Variants in KCTD16 observed in about 807,000 individuals in gnomAD.
The protein encoded by KCTD16 is BTB/POZ domain-containing protein KCTD16.
Under a neutral mutation model 33.2 loss-of-function variants are expected in KCTD16, and 13 were observed. That is an observed-to-expected ratio of 0.39 (90% CI 0.25 to 0.62). The LOEUF (loss-of-function observed/expected upper bound fraction) is 0.62. KCTD16 is among the 20% of genes least tolerant of loss of function. The pLI is 0.50. For missense variants in KCTD16, 441 were observed against 525.1 expected (o/e 0.84, Z 1.57); for synonymous variants, 197 against 195.3 (o/e 1.01, Z -0.07).
rs952732108 is a variant in KCTD16, at chr5:144,221,270, G to T, written c.832+13724G>T. The stretch of plus-strand genomic sequence containing the variant: ...GAAGAGAGACATTAAATCTGCTTTA[G>T]TATTATTATTATTATACTTTAAGTT... On this transcript the variant is annotated intron_variant, in intron 3 of 3. Coordinates refer to ENST00000512467, the MANE Select transcript of KCTD16 (RefSeq NM_020768.4). 7.2e-5 allele frequency among the ~76,000 whole-genome samples: 11 copies of T among 151,956 alleles called. No homozygotes were observed. The South Asian group carries it at 2.3e-3, about 32-fold the overall frequency.
At chr5:144,465,217 TTC>T (rs1242155215) in intron 3 of KCTD16, among the ~76,000 whole-genome samples, 8 of 132,556 alleles carry the variant, frequency 6.0e-5, no homozygotes, top group African/African-American at 2.3e-4. Flanking sequence ...CTCTCTCTCT[TTC>T]TCTCTCTCGC....
At chr5:144,335,656 G>A (rs934286655) in intron 3 of KCTD16, among the ~76,000 whole-genome samples, 4 of 152,188 alleles carry the variant, frequency 2.6e-5, no homozygotes, top group African/African-American at 9.7e-5. Context: ...GGCTCCACAG[G>A]AGGTGACAAT....
At chr5:144,307,131 C>T (rs1751622079) in intron 3 of KCTD16, among the ~76,000 whole-genome samples, 1 of 152,168 alleles carries the variant, frequency 6.6e-6, no homozygotes, top group South Asian at 2.1e-4. Flanking sequence ...TTCAATCATT[C>T]CTACCCATGC....
intron 3 of KCTD16, among the ~76,000 whole-genome samples, chr5:144,361,182 A>G (rs1751704315): frequency 2.7e-5 from 4 of 150,890 alleles, no homozygotes; most frequent in African/African-American, 9.7e-5. Flanking sequence ...GCGATAGTTT[A>G]CTGAGAATGA....
rs1455996279 is a variant in KCTD16, at chr5:144,195,900, G to T, written c.-326-10489G>T. ...TTTTGGTTGCTCTGTTGCTCTCATA[G>T]AACTTTTTCCTCTTCTCTTAACAGC... On this transcript the variant is annotated intron_variant, in intron 2 of 3. Transcript: ENST00000512467. Among the ~76,000 whole-genome samples, 3 of 152,142 alleles carry T rather than the reference G, an allele frequency of 2.0e-5. No individual in the cohort carries two copies. The East Asian group carries it at 5.8e-4, about 29-fold the overall frequency.
intron 3 of KCTD16, among the ~76,000 whole-genome samples, chr5:144,298,638 A>G (rs770117656): frequency 1.1e-4 from 17 of 152,152 alleles, no homozygotes; most frequent in South Asian, 2.1e-4. Flanking sequence ...CTGTGTTAGC[A>G]TGTTTAAGGC....
chr5:144,319,551 C>T (rs771958215), intron 3 of KCTD16, among the ~76,000 whole-genome samples: 2 of 152,200 alleles, frequency 1.3e-5, no homozygotes, highest in Non-Finnish European at 2.9e-5. Flanking sequence ...CCTGGTTAAA[C>T]AACATGCATT....
intron 3 of KCTD16, among the ~76,000 whole-genome samples, chr5:144,239,359 A>G (rs1020510173): frequency 3.9e-5 from 6 of 152,126 alleles, no homozygotes; most frequent in African/African-American, 9.7e-5. Context: ...AAATGTGTCT[A>G]TTGAAATCCC....
intron 3 of KCTD16, among the ~76,000 whole-genome samples, chr5:144,366,362 A>C (rs1212946291): frequency 6.6e-6 from 1 of 152,196 alleles, no homozygotes; most frequent in Non-Finnish European, 1.5e-5. Context: ...CCAACCACTG[A>C]TGTTTGCACC....
chr5:144,216,717 G>A (rs1306318331), intron 3 of KCTD16, among the ~76,000 whole-genome samples: 1 of 151,810 alleles, frequency 6.6e-6, no homozygotes, highest in Non-Finnish European at 1.5e-5. Flanking sequence ...GGTGACGGGC[G>A]CCTGTAGTCC....
chr5:144,450,896 C>G (rs1753925964), intron 3 of KCTD16, among the ~76,000 whole-genome samples: 1 of 151,972 alleles, frequency 6.6e-6, no homozygotes, highest in Admixed American at 6.6e-5. Flanking sequence ...CCTATAATTA[C>G]CAATATGGTA....
chr5:144,270,990 T>C (rs1755277611), intron 3 of KCTD16, among the ~76,000 whole-genome samples: 1 of 151,956 alleles, frequency 6.6e-6, no homozygotes, highest in Admixed American at 6.6e-5. Flanking sequence ...AAAATTTGAT[T>C]ATACATATAA....
chr5:144,346,033 ATTC>A (rs1356628203), intron 3 of KCTD16, among the ~76,000 whole-genome samples: 2 of 148,716 alleles, frequency 1.3e-5, no homozygotes, highest in Admixed American at 6.8e-5. Flanking sequence ...TCTGGAAACT[ATTC>A]TTCTACTTTC....
At chr5:144,401,252 A>C (rs1253925815) in intron 3 of KCTD16, among the ~76,000 whole-genome samples, 1 of 152,214 alleles carries the variant, frequency 6.6e-6, no homozygotes, top group African/African-American at 2.4e-5. Context: ...AGCACCAATC[A>C]TATGAAATTT....
chr5:144,363,275 G>A (rs913557594), intron 3 of KCTD16, among the ~76,000 whole-genome samples: 2 of 152,146 alleles, frequency 1.3e-5, no homozygotes. Flanking sequence ...CTGGGATGTA[G>A]AGGCTGCAGT....
chr5:144,410,049 A>G (rs921928052), intron 3 of KCTD16, among the ~76,000 whole-genome samples: 1 of 152,182 alleles, frequency 6.6e-6, no homozygotes, highest in African/African-American at 2.4e-5. Context: ...AAGAGGCACT[A>G]GCATGTACTA....
At chr5:144,363,296 C>T (rs1367342918) in intron 3 of KCTD16, among the ~76,000 whole-genome samples, 3 of 152,050 alleles carry the variant, frequency 2.0e-5, no homozygotes, top group Non-Finnish European at 4.4e-5. Context: ...GAGCCAAGAT[C>T]GCGCCACTGC....
At chr5:144,302,617 C>A (rs1751472804) in intron 3 of KCTD16, among the ~76,000 whole-genome samples, 1 of 152,180 alleles carries the variant, frequency 6.6e-6, no homozygotes, top group African/African-American at 2.4e-5. Context: ...GCCCAAATGA[C>A]TTTTAGCTTC....
chr5:144,368,631 AG>A (rs1380198174), intron 3 of KCTD16, among the ~76,000 whole-genome samples: 2 of 152,202 alleles, frequency 1.3e-5, no homozygotes, highest in Non-Finnish European at 2.9e-5. Flanking sequence ...TCTGAGACTC[AG>A]AGTAGAGAAC....
Sources: allele counts gnomAD v4.1 joint callset (sites outside exome capture counted in the v4.1 genomes callset), GRCh38; gene constraint gnomAD v4.1.1; transcripts MANE v1.5; gene names NCBI Gene and HGNC (gene_info 2026-07-23, HGNC 2026-07-21).